Variants in PFKFB4 observed in about 807,000 individuals in gnomAD.
PFKFB4 encodes the protein 6-phosphofructo-2-kinase/fructose-2,6-bisphosphatase 4.
Under a neutral mutation model 62.8 loss-of-function variants are expected in PFKFB4, and 42 were observed. That is an observed-to-expected ratio of 0.67 (90% confidence interval 0.52 to 0.86). The LOEUF is 0.86. Among genes scored for constraint, PFKFB4 ranks in the 40% least tolerant of loss-of-function variants. PFKFB4 has a pLI of 0.00. For missense variants in PFKFB4, 475 were observed against 627.2 expected (o/e 0.76, Z 2.59); for synonymous variants, 204 against 240.7 (o/e 0.85, Z 1.41).
intron 7 of PFKFB4, among the ~76,000 whole-genome samples, chr3:48,537,946 G>A (rs77382486): frequency 0.024 from 3,661 of 152,268 alleles, 64 homozygotes; most frequent in Non-Finnish European, 0.037. Context: ...AATGATGACT[G>A]TAATACTTCA....
Position 48,518,167 on chromosome 3 carries a change from G to A in PFKFB4, c.*1580C>T, listed in dbSNP as rs1392519352. 1.3e-5 allele frequency: 2 copies of A among 152,362 alleles called. No individual in the cohort carries two copies. The highest frequency in any genetic ancestry group is 1.3e-4 in the Admixed American group (2 of 15,286). The allele number at this position is 152,362 out of a possible 1,614,324, so 9.4% of individuals were successfully genotyped here. ...CCCAAAGGCATGGTCCTTGGGCTCT[G>A]GGTCTAAAGGGCTTGGGGCTCTGAC... On this transcript the variant is annotated 3_prime_UTR_variant, in exon 14 of 14. Transcript: ENST00000232375.
chr3:48,554,397 A>G (rs1171473833), intron 1 of PFKFB4, among the ~76,000 whole-genome samples: 1 of 152,164 alleles, frequency 6.6e-6, no homozygotes, highest in Non-Finnish European at 1.5e-5. Flanking sequence ...CTGAGGCCCA[A>G]ATCCCCAAAC....
At chr3:48,541,146 G>A (rs1378833116) in intron 4 of PFKFB4, among the ~76,000 whole-genome samples, 16 of 149,584 alleles carry the variant, frequency 1.1e-4, no homozygotes, top group Admixed American at 3.4e-4. Flanking sequence ...GTGCAGTGGC[G>A]CGATCTCAGC....
upstream of PFKFB4, among the ~76,000 whole-genome samples, chr3:48,557,952 T>G (rs1350413873): frequency 2.0e-5 from 3 of 152,184 alleles, no homozygotes; most frequent in Non-Finnish European, 2.9e-5. Context: ...AGTATTTTGG[T>G]TTTTTTAACT....
At chr3:48,559,845 T>C, upstream of PFKFB4, 1 of 321,344 alleles carries the variant, frequency 3.1e-6, no homozygotes, top group Non-Finnish European at 6.2e-6. Flanking sequence ...CTCAAACTCT[T>C]CCCAGTCCCT....
chr3:48,545,857 T>A (rs904997231), intron 3 of PFKFB4, among the ~76,000 whole-genome samples: 1 of 152,066 alleles, frequency 6.6e-6, no homozygotes, highest in Non-Finnish European at 1.5e-5. Flanking sequence ...ATTCTGAGAG[T>A]CCAGGTAACT....
upstream of PFKFB4, chr3:48,559,585 G>A (rs115169601): frequency 0.02 from 9,127 of 456,944 alleles, 146 homozygotes; most frequent in Non-Finnish European, 0.03. Context: ...GCGGATGCCC[G>A]GTAGAATCTC....
chr3:48,540,620 A>T (rs191903670), intron 4 of PFKFB4, among the ~76,000 whole-genome samples: 1,664 of 151,990 alleles, frequency 0.011, 18 homozygotes, highest in African/African-American at 0.013. Context: ...TTTAAAAAAA[A>T]TTTTTTTGAG....
rs779640045 is a variant in PFKFB4, at chr3:48,535,675, G to A, written c.841-17C>T. The A allele has an allele frequency of 1.4e-5, 22 of 1,613,990 alleles. 1 individual carries two copies. The South Asian group carries it at 2.4e-4, about 18-fold the overall frequency. On this transcript the variant is annotated splice_polypyrimidine_tract_variant and intron_variant, in intron 8 of 13. Transcript: ENST00000232375. ...CTTGGCAAACTGAAATACATCATAAGCAAACTCAGACCCACAGGTCTTGGG... is the reference window on the plus strand; with the variant it reads ...CTTGGCAAACTGAAATACATCATAAACAAACTCAGACCCACAGGTCTTGGG...
chr3:48,537,638 C>T (rs909691195), intron 7 of PFKFB4, among the ~76,000 whole-genome samples: 1 of 151,392 alleles, frequency 6.6e-6, no homozygotes, highest in African/African-American at 2.4e-5. Flanking sequence ...GATTCTCCCA[C>T]CTCAGCCTCC....
chr3:48,561,775 C>T (rs1357777677), upstream of PFKFB4: 1 of 146,742 alleles, frequency 6.8e-6, no homozygotes, highest in Non-Finnish European at 1.5e-5. The surrounding 1 kb of genome is among the most constrained non-coding windows in gnomAD (Gnocchi z 5.2). Flanking sequence ...GCTGCAGGAC[C>T]TCCATGTCTG....
chr3:48,543,564 A>G lies in PFKFB4; in HGVS notation c.378+16T>C. ...CCATGTGTCACTCCCAGCTGTCACC[A>G]GGGTGTCACACTCACCGCCACATGT... On this transcript the variant is annotated intron_variant, in intron 4 of 13. Transcript: ENST00000232375. The G allele has an allele frequency of 6.2e-7, 1 of 1,600,090 alleles. No homozygotes were observed. Among genetic ancestry groups the G allele is most frequent in the Non-Finnish European group, 8.5e-7 (1 of 1,172,372 alleles).
At chr3:48,543,693 C>G (rs1350111301) in intron 3 of PFKFB4, 47 bp from the exon 4 acceptor site, 1 of 1,512,048 alleles carries the variant, frequency 6.6e-7, no homozygotes, top group Admixed American at 1.8e-5. Flanking sequence ...GACCCTGGCT[C>G]CAGGAGGGTG....
At chr3:48,543,164 T>C (rs1347452755) in intron 4 of PFKFB4, among the ~76,000 whole-genome samples, 1 of 152,162 alleles carries the variant, frequency 6.6e-6, no homozygotes, top group Non-Finnish European at 1.5e-5. Flanking sequence ...CTCTTCCGTC[T>C]GACTAGAAGG....
intron 12 of PFKFB4, 93 bp downstream of exon 12, chr3:48,523,444 C>T (rs1309077693): frequency 1.6e-6 from 2 of 1,280,784 alleles, no homozygotes; most frequent in Non-Finnish European, 2.3e-6. Context: ...GGGCTCCTAA[C>T]ACAATTTTCA....
chr3:48,540,614 A>G (rs531956339), intron 4 of PFKFB4, among the ~76,000 whole-genome samples: 1 of 151,942 alleles, frequency 6.6e-6, no homozygotes, highest in Admixed American at 6.6e-5. Flanking sequence ...TTTTTATTTA[A>G]AAAAAATTTT....
At position 48,551,515 on chromosome 3, in the gene PFKFB4, C is replaced by T. The variant is rs190539221; in HGVS notation, c.98-1281G>A. Among the ~76,000 whole-genome samples, 16 of 127,198 alleles carry T rather than the reference C, an allele frequency of 1.3e-4. No individual in the cohort carries two copies. The Admixed American group carries it at 1.3e-3, about 10-fold the overall frequency. The allele number at this position is 127,198 out of a possible 152,430, so 83.4% of individuals were successfully genotyped here. A position where few individuals can be genotyped will look rare whatever the true frequency, so the allele number is the denominator to read the frequency against. On this transcript the variant is annotated intron_variant, in intron 1 of 13. Coordinates refer to ENST00000232375, the MANE Select transcript of PFKFB4 (RefSeq NM_004567.4). ...TACAGGTGTGAGCCATCACCTCCAG[C>T]CTTCTTTTTTTTTTTTTTTTTTTTT...
chr3:48,549,954 T>A lies in PFKFB4; in HGVS notation c.221A>T (p.Asn74Ile). The A allele has an allele frequency of 6.2e-7, 1 of 1,612,190 alleles. No homozygotes were observed. The highest frequency in any genetic ancestry group is 8.5e-7 in the Non-Finnish European group (1 of 1,178,254). Residue 74 changes from asparagine to isoleucine, a missense_variant, in exon 3 of 14, where the codon AAT (asparagine) becomes ATT (isoleucine). Physicochemically the swap from Asn to Ile is moderately radical, Grantham distance 149. Transcript: ENST00000232375. ...NWIGVPTREF[N>I]VGQYRRDVVK... ...CACGTCCCGGCGATACTGGCCAACA[T>A]TGAACTCTGGAGGGAAGGAGAGGCT... is the stretch of plus-strand genomic sequence containing the variant.
chr3:48,520,147 C>T (rs2042053794), intron 13 of PFKFB4, among the ~76,000 whole-genome samples: 1 of 152,178 alleles, frequency 6.6e-6, no homozygotes, highest in African/African-American at 2.4e-5. Context: ...GGATTTTATC[C>T]TCATCTGTGG....
Sources: allele counts gnomAD v4.1 joint callset (sites outside exome capture counted in the v4.1 genomes callset), GRCh38; gene constraint gnomAD v4.1.1; non-coding constraint Gnocchi (gnomAD v3.1); transcripts MANE v1.5; gene names NCBI Gene and HGNC (gene_info 2026-07-23, HGNC 2026-07-21).